Variants in CHRM3 observed in about 807,000 individuals in gnomAD.
The protein encoded by CHRM3 is cholinergic receptor muscarinic 3.
CHRM3 carries 11 observed loss-of-function variants against 41.8 expected under a neutral mutation model. The observed-to-expected ratio is 0.26, with a 90% confidence interval of 0.17 to 0.44. The LOEUF is 0.44. CHRM3 is among the 20% of genes least tolerant of loss of function. The pLI is 1.00. For synonymous variants in CHRM3, 297 were observed against 301.4 expected (o/e 0.99, Z 0.15); for missense variants, 571 against 745.4 (o/e 0.77, Z 2.72).
intron 1 of CHRM3, among the ~76,000 whole-genome samples, chr1:239,407,417 T>TATATATATAGAGAG: frequency 7.5e-6 from 1 of 134,108 alleles, no homozygotes; most frequent in East Asian, 2.1e-4. Context: ...TATATATATA[T>TATATATATAGAGAG]AGAGAGAGAG....
At chr1:239,718,478 T>A (rs1425023944) in intron 5 of CHRM3, among the ~76,000 whole-genome samples, 1 of 151,956 alleles carries the variant, frequency 6.6e-6, no homozygotes, top group Non-Finnish European at 1.5e-5. Flanking sequence ...GGGAAGAAAA[T>A]ACAGATGTTT....
rs1558182535 is a variant in CHRM3 at position 239,387,408 on chromosome 1, G to C, written c.-521+181G>C. 6.6e-6 allele frequency among the ~76,000 whole-genome samples: 1 copy of C among 152,112 alleles called. No individual in the cohort carries two copies. ...GGACGAGAGAGGCTGTTGATTTGGG[G>C]AAGATGGGGGCACTTGAATTCCGAC... is the stretch of plus-strand genomic sequence containing the variant. On this transcript the variant is annotated intron_variant, in intron 1 of 6. Transcript: ENST00000676153. This position sits in a 1 kb window ranked among gnomAD's most constrained non-coding sequence, Gnocchi z 5.1.
intron 4 of CHRM3, among the ~76,000 whole-genome samples, chr1:239,647,777 T>G (rs553938529): frequency 6.6e-6 from 1 of 152,214 alleles, no homozygotes; most frequent in African/African-American, 2.4e-5. Flanking sequence ...GTCATACAGG[T>G]GCAATTCAAA....
At chr1:239,590,392 G>A (rs896454899) in intron 3 of CHRM3, among the ~76,000 whole-genome samples, 29 of 152,182 alleles carry the variant, frequency 1.9e-4, no homozygotes, top group Admixed American at 1.9e-3. Flanking sequence ...AGAAGGAGAG[G>A]ACAAATACAC....
intron 3 of CHRM3, among the ~76,000 whole-genome samples, chr1:239,564,443 C>T (rs999618420): frequency 1.3e-5 from 2 of 151,990 alleles, no homozygotes; most frequent in Non-Finnish European, 2.9e-5. Flanking sequence ...TAATTACCTG[C>T]GTGAGGATTA....
intron 5 of CHRM3, among the ~76,000 whole-genome samples, chr1:239,816,675 C>T (rs552952084): frequency 6.6e-6 from 1 of 151,884 alleles, no homozygotes; most frequent in African/African-American, 2.4e-5. Context: ...AAGCCCTATT[C>T]TGCCTGTGTG....
At chr1:239,556,765 A>G (rs1182270316) in intron 3 of CHRM3, among the ~76,000 whole-genome samples, 1 of 151,388 alleles carries the variant, frequency 6.6e-6, no homozygotes, top group Non-Finnish European at 1.5e-5. Flanking sequence ...GTAAAAATGT[A>G]TGACAAAAAG....
At chr1:239,607,781 T>C (rs1010473572) in intron 3 of CHRM3, among the ~76,000 whole-genome samples, 3 of 152,214 alleles carry the variant, frequency 2.0e-5, no homozygotes, top group Non-Finnish European at 2.9e-5. Context: ...CTTAGATTTA[T>C]TTGAAGTCTT....
chr1:239,714,101 C>A (rs1483447085), intron 5 of CHRM3: 2 of 152,204 alleles, frequency 1.3e-5, no homozygotes, highest in Admixed American at 1.3e-4. Context: ...GAAACCCAGC[C>A]TTCTATTAGT....
chr1:239,629,083 G>C (rs1321554060), intron 3 of CHRM3: 1 of 114,304 alleles, frequency 8.7e-6, no homozygotes, highest in East Asian at 2.6e-4. Context: ...GGGCAATGGC[G>C]GGCGCCCCTC....
intron 2 of CHRM3, among the ~76,000 whole-genome samples, chr1:239,535,324 C>A (rs1183468541): frequency 6.6e-6 from 1 of 151,866 alleles, no homozygotes; most frequent in Non-Finnish European, 1.5e-5. Flanking sequence ...ACATCTCATA[C>A]CTAACGCAAA....
rs553755840 is a variant in CHRM3, at chr1:239,489,784, C to G, written c.-520-2925C>G. 3.3e-5 allele frequency among the ~76,000 whole-genome samples: 5 copies of G among 152,126 alleles called. No homozygotes were observed. The South Asian group carries it at 8.3e-4, about 25-fold the overall frequency. On this transcript the variant is annotated intron_variant, in intron 1 of 6. Transcript: ENST00000676153. Reference sequence around the variant, plus strand: ...AACTAGTGTACAATGTATTCATGTTCTGATACATGTATCCAGAACTTATGA... The same window carrying G: ...AACTAGTGTACAATGTATTCATGTTGTGATACATGTATCCAGAACTTATGA...
chr1:239,674,934 A>G (rs1313353445), intron 4 of CHRM3, among the ~76,000 whole-genome samples: 2 of 151,632 alleles, frequency 1.3e-5, no homozygotes, highest in Non-Finnish European at 2.9e-5. Flanking sequence ...GGAAATTATT[A>G]CTCCTCCTCG....
intron 5 of CHRM3, among the ~76,000 whole-genome samples, chr1:239,801,490 A>G (rs769540829): frequency 2.6e-5 from 4 of 152,176 alleles, no homozygotes; most frequent in Non-Finnish European, 4.4e-5. Flanking sequence ...TGTGCCTCAT[A>G]GGAATCTGGA....
chr1:239,406,733 C>G (rs1660625915), intron 1 of CHRM3, among the ~76,000 whole-genome samples: 1 of 152,204 alleles, frequency 6.6e-6, no homozygotes, highest in Non-Finnish European at 1.5e-5. Context: ...CAAAGCCTCT[C>G]TCAATTACAG....
At chr1:239,464,492 C>T (rs1665585436) in intron 1 of CHRM3, among the ~76,000 whole-genome samples, 2 of 152,128 alleles carry the variant, frequency 1.3e-5, no homozygotes, top group South Asian at 2.1e-4. Context: ...TTGCCTGGAA[C>T]GCCCTCTGTT....
intron 5 of CHRM3, among the ~76,000 whole-genome samples, chr1:239,759,020 G>GATGTTTAAAT (rs2148634299): frequency 6.6e-6 from 1 of 152,238 alleles, no homozygotes; most frequent in South Asian, 2.1e-4. Flanking sequence ...TCAGGTACTT[G>GATGTTTAAAT]ATGTTTAAAT....
At chr1:239,640,971 G>A (rs545614280) in intron 4 of CHRM3, among the ~76,000 whole-genome samples, 3,365 of 151,162 alleles carry the variant, frequency 0.022, 120 homozygotes, top group African/African-American at 0.078. Context: ...TTGTGTCTTT[G>A]TTCTCATTGG....
intron 1 of CHRM3, among the ~76,000 whole-genome samples, chr1:239,479,581 GTGCACTTACA>G (rs1666693262): frequency 6.6e-6 from 1 of 152,170 alleles, no homozygotes; most frequent in East Asian, 1.9e-4. Flanking sequence ...ACAGCATAGA[GTGCACTTACA>G]CAAGCCAAGA....
Sources: gnomAD v4.1 joint callset for allele counts (sites outside exome capture counted in the v4.1 genomes callset) on GRCh38, gnomAD v4.1.1 for gene constraint, Gnocchi (gnomAD v3.1) non-coding constraint, MANE v1.5 for transcripts, NCBI Gene and HGNC (gene_info 2026-07-23, HGNC 2026-07-21) for gene names.